Variants in MAGIX observed in about 807,000 individuals in gnomAD.
MAGIX encodes the protein PDZ domain-containing protein MAGIX.
In MAGIX, 13 loss-of-function variants were observed where a neutral mutation model predicts 10.0. The ratio of observed to expected loss-of-function variants is 1.30; its 90% CI spans 0.84 to 2.06. The LOEUF is 2.06. MAGIX is among the 30% of genes most tolerant of loss of function. The pLI, the probability that MAGIX is intolerant of heterozygous loss-of-function variation, is 0.00. For synonymous variants in MAGIX, 108 were observed against 106.8 expected (o/e 1.01, Z -0.07); for missense variants, 235 against 245.2 (o/e 0.96, Z 0.28).
chrX:49,165,397 G>A (rs2065360154), intron 4 of MAGIX, 36 bp downstream of exon 5: 17 of 1,086,473 alleles, frequency 1.6e-5, no homozygotes, highest in Non-Finnish European at 2.1e-5. Flanking sequence ...AGAGATCAGT[G>A]AGGAGAAGGG....
intron 4 of MAGIX, chrX:49,165,780 C>G: frequency 5.9e-6 from 2 of 341,249 alleles, no homozygotes; most frequent in Non-Finnish European, 1.0e-5. Context: ...TGGGAGTCAA[C>G]GGAGGTGGGA....
At chrX:49,165,928 G>A (rs782480828) in intron 4 of MAGIX, 146 bp from the exon 6 acceptor site, 1 of 503,089 alleles carries the variant, frequency 2.0e-6, no homozygotes, top group Admixed American at 4.0e-5. Flanking sequence ...GGGTTGTGAG[G>A]GGTGGTGCCG....
Position 49,166,065 on chromosome X carries a change from A to C in MAGIX, c.503-9A>C. ...CCTTCCCTACTTCACCACCCAATCT[A>C]ATCCGTAGTCCCGTCATGGCCAGAT... On this transcript the variant is annotated splice_polypyrimidine_tract_variant and intron_variant, in intron 4 of 4. Coordinates refer to ENST00000616266, the Ensembl canonical transcript of MAGIX. 1 of 1,205,875 alleles carries C rather than the reference A, an allele frequency of 8.3e-7. No homozygotes were observed. The highest frequency in any genetic ancestry group is 1.1e-6 in the Non-Finnish European group (1 of 891,001).
chrX:49,165,192 C>T, exon 4 of MAGIX: 7 of 1,193,222 alleles, frequency 5.9e-6, no homozygotes, highest in South Asian at 1.8e-5. Flanking sequence ...TCCTCCAGGT[C>T]GGGGACCTCG....
At chrX:49,164,331 GCTAAT>G in intron 2 of MAGIX, 1 of 320,336 alleles carries the variant, frequency 3.1e-6, no homozygotes, top group Non-Finnish European at 5.5e-6. Context: ...AGGGTTAGAG[GCTAAT>G]TAGAGGGCGT....
At position 49,164,893 on chromosome X, in the gene MAGIX, CCCCAA is replaced by C; in HGVS notation, c.134_138del (p.Pro45LeufsTer5). On this transcript the variant is annotated frameshift_variant, in exon 3 of 5. Coordinates refer to ENST00000616266, the Ensembl canonical transcript of MAGIX. LOFTEE classifies it high-confidence loss of function. ...TTGGTTAGAGACATGTAACGCACCTCCCCAATTGATCCAGGGTAAGGCACGTAGTG... is the reference window on the plus strand; with the variant it reads ...TTGGTTAGAGACATGTAACGCACCTCTTGATCCAGGGTAAGGCACGTAGTG... 8.2e-7 allele frequency: 1 copy of C among 1,212,202 alleles called. No individual in the cohort carries two copies. Among genetic ancestry groups the C allele is most frequent in the Non-Finnish European group, 1.1e-6 (1 of 895,430 alleles).
At chrX:49,167,902 A>G (rs1196856218) in exon 5 of MAGIX, 2 of 112,182 alleles carry the variant, frequency 1.8e-5, no homozygotes, top group South Asian at 3.7e-4. Context: ...CTATCCGAAT[A>G]TGTCCATTTC....
chrX:49,166,352 G>A (rs782403541), exon 5 of MAGIX: 1 of 1,161,393 alleles, frequency 8.6e-7, no homozygotes. Context: ...GGTCCGGGGG[G>A]CAGCGCAGCT....
exon 5 of MAGIX, chrX:49,166,236 C>A (rs1161681693): frequency 8.3e-7 from 1 of 1,205,565 alleles, no homozygotes; most frequent in Non-Finnish European, 1.1e-6. Flanking sequence ...GATGGCCCCA[C>A]GGTTTCTCCT....
At chrX:49,164,944 T>G in exon 3 of MAGIX, 1 of 1,212,141 alleles carries the variant, frequency 8.2e-7, no homozygotes, top group African/African-American at 1.7e-5. Flanking sequence ...ATCCCAGGCC[T>G]CTGGTCATTT....
chrX:49,166,417 C>T (rs1557098194), exon 5 of MAGIX: 9 of 1,096,317 alleles, frequency 8.2e-6, no homozygotes, highest in Non-Finnish European at 1.1e-5. Flanking sequence ...TCTGACAGCG[C>T]GGGGCTCACT....
exon 2 of MAGIX, chrX:49,163,815 G>A: frequency 9.5e-7 from 1 of 1,050,544 alleles, no homozygotes; most frequent in Non-Finnish European, 1.2e-6. Context: ...GGGCCCTAGC[G>A]CCCGGCAGCT....
rs1557096816 is a variant in MAGIX, at chrX:49,163,834, G to T, written c.-150G>T. 1.5e-5 allele frequency: 16 copies of T among 1,039,806 alleles called. No individual in the cohort carries two copies. Among genetic ancestry groups the T allele is most frequent in the African/African-American group, 6.0e-5 (3 of 49,773 alleles). The allele number at this position is 1,039,806 out of a possible 1,213,427, so 85.7% of individuals were successfully genotyped here. A position where few individuals can be genotyped will look rare whatever the true frequency, so the allele number is the denominator to read the frequency against. On this transcript the variant is annotated 5_prime_UTR_variant, in exon 2 of 5. Transcript: ENST00000616266. The stretch of plus-strand genomic sequence containing the variant: ...CCTAGCGCCCGGCAGCTCCTGGCGC[G>T]GTTGGACGCGCGCCCCCTGGCGGCG...
intron 1 of MAGIX, chrX:49,163,265 G>A (rs1461877609): frequency 1.1e-5 from 2 of 180,390 alleles, no homozygotes; most frequent in African/African-American, 6.7e-5. Context: ...ACTGGGGGGA[G>A]GGGAGCTGGG....
intron 4 of MAGIX, chrX:49,165,870 G>A: frequency 2.4e-6 from 1 of 422,170 alleles, no homozygotes; most frequent in Non-Finnish European, 4.1e-6. Context: ...TTTCTGAGGG[G>A]CATGTTCTGG....
intron 4 of MAGIX, chrX:49,165,587 A>T: frequency 2.6e-6 from 1 of 379,759 alleles, no homozygotes. Context: ...TAGGAATTTC[A>T]GAGGGTGGGT....
exon 4 of MAGIX, chrX:49,165,230 A>G (rs1557097543): frequency 5.9e-6 from 7 of 1,185,185 alleles, no homozygotes; most frequent in Non-Finnish European, 7.9e-6. Flanking sequence ...GAGTCAACGC[A>G]GGGCCTCACC....
exon 5 of MAGIX, chrX:49,166,278 A>G (rs2065366879): frequency 8.4e-7 from 1 of 1,192,055 alleles, no homozygotes; most frequent in East Asian, 3.1e-5. Flanking sequence ...CCCAACGACC[A>G]GATCCCGGGT....
chrX:49,166,205 C>T, exon 5 of MAGIX: 1 of 1,210,309 alleles, frequency 8.3e-7, no homozygotes, highest in Non-Finnish European at 1.1e-6. Flanking sequence ...CAGCCCGGAG[C>T]CTAGTCCAGA....
Sources: allele counts gnomAD v4.1 joint callset, GRCh38; gene constraint gnomAD v4.1.1; transcripts MANE v1.5; gene names NCBI Gene and HGNC (gene_info 2026-07-23, HGNC 2026-07-21).